The following B3GALT1 variants were observed in gnomAD, a reference collection of about 807,000 sequenced individuals.
B3GALT1 encodes UDP-Gal:betaGlcNAc beta 1,3-galactosyltransferase, polypeptide 1.
Under a neutral mutation model 23.2 loss-of-function variants are expected in B3GALT1, and 10 were observed. That is an observed-to-expected ratio of 0.43 (90% CI 0.27 to 0.73). B3GALT1 has a LOEUF of 0.73. Among genes scored for constraint, B3GALT1 ranks in the 30% least tolerant of loss-of-function variants. The probability of loss-of-function intolerance (pLI) is 0.21; values close to 1 mark genes in which losing one functional copy is unlikely to be tolerated. For missense variants in B3GALT1, 299 were observed against 405.4 expected (o/e 0.74, Z 2.25); for synonymous variants, 156 against 141.5 (o/e 1.10, Z -0.73).
intron 1 of B3GALT1, among the ~76,000 whole-genome samples, chr2:167,424,863 G>A (rs983826609): frequency 6.6e-6 from 1 of 152,180 alleles, no homozygotes; most frequent in South Asian, 2.1e-4. Context: ...AAAGTATCCC[G>A]TTTAGATTCT....
intron 1 of B3GALT1, among the ~76,000 whole-genome samples, chr2:167,469,119 C>G (rs1211130707): frequency 6.6e-6 from 1 of 152,162 alleles, no homozygotes; most frequent in Non-Finnish European, 1.5e-5. Flanking sequence ...AGAATTGTAG[C>G]AATCAAATAT....
At chr2:167,506,831 G>A (rs1025703835) in intron 2 of B3GALT1, among the ~76,000 whole-genome samples, 1 of 152,158 alleles carries the variant, frequency 6.6e-6, no homozygotes, top group Non-Finnish European at 1.5e-5. Context: ...TAGAACAAGT[G>A]TATGGGTGAA....
chr2:167,835,300 G>T (rs571184727), intron 4 of B3GALT1, among the ~76,000 whole-genome samples: 4 of 152,316 alleles, frequency 2.6e-5, no homozygotes, highest in African/African-American at 9.6e-5. Context: ...GTGACAGATG[G>T]CACCTGGAAA....
intron 1 of B3GALT1, among the ~76,000 whole-genome samples, chr2:167,487,220 C>T (rs985162418): frequency 3.9e-5 from 6 of 152,148 alleles, no homozygotes; most frequent in Middle Eastern, 3.2e-3. Flanking sequence ...TTCAGAAGGC[C>T]ACTTTTTGTC....
chr2:167,680,406 T>TGAGA lies in B3GALT1; in HGVS notation c.-352+33457_-352+33460dup, dbSNP rs60938313. On this transcript the variant is annotated intron_variant, in intron 3 of 4. Transcript: ENST00000392690. ...AAAGATTTCAAATAGAGAAACAGATTGAGAGAGAGAGAGAGAGAGAACTTT... is the reference window on the plus strand; with the variant it reads ...AAAGATTTCAAATAGAGAAACAGATTGAGAGAGAGAGAGAGAGAGAGAGAACTTT... Among the ~76,000 whole-genome samples the TGAGA allele has an allele frequency of 7.4e-5, 11 of 149,486 alleles. No individual in the cohort carries two copies. The South Asian group carries it at 8.5e-4, about 12-fold the overall frequency.
At chr2:167,555,657 A>G (rs1441974523) in intron 2 of B3GALT1, among the ~76,000 whole-genome samples, 1 of 152,172 alleles carries the variant, frequency 6.6e-6, no homozygotes, top group East Asian at 1.9e-4. Flanking sequence ...CAAGAGTGAT[A>G]TTGCCAAATC....
At chr2:167,770,834 C>G (rs906408356) in intron 3 of B3GALT1, among the ~76,000 whole-genome samples, 7 of 152,112 alleles carry the variant, frequency 4.6e-5, no homozygotes, top group African/African-American at 1.7e-4. Context: ...TTTAAGATGT[C>G]AGGGAAATTT....
rs1685615765 is a variant in B3GALT1, at chr2:167,639,451, T to G, written c.-409-7458T>G. Among the ~76,000 whole-genome samples the G allele has an allele frequency of 2.6e-5, 4 of 152,034 alleles. No individual in the cohort carries two copies. The South Asian group carries it at 8.3e-4, about 32-fold the overall frequency. ...ATATCCAGTAACCTGCAAAGATTCTTCAGTCCAAGCAGAAACACATTAAGG... is the reference window on the plus strand; with the variant it reads ...ATATCCAGTAACCTGCAAAGATTCTGCAGTCCAAGCAGAAACACATTAAGG... On this transcript the variant is annotated intron_variant, in intron 2 of 4. Coordinates refer to ENST00000392690, the MANE Select transcript of B3GALT1 (RefSeq NM_020981.4).
intron 3 of B3GALT1, among the ~76,000 whole-genome samples, chr2:167,788,815 A>G (rs1341169340): frequency 1.3e-5 from 2 of 152,190 alleles, no homozygotes; most frequent in Non-Finnish European, 2.9e-5. Context: ...GGATGAACCT[A>G]AGATAATGAC....
intron 3 of B3GALT1, among the ~76,000 whole-genome samples, chr2:167,723,033 G>A (rs1224063134): frequency 1.3e-5 from 2 of 152,162 alleles, no homozygotes. Flanking sequence ...TGTGAAGATA[G>A]TCTCAAAGTT....
intron 4 of B3GALT1, among the ~76,000 whole-genome samples, chr2:167,868,004 TA>T (rs202014355): frequency 1.3e-5 from 2 of 151,494 alleles, no homozygotes; most frequent in South Asian, 2.1e-4. Flanking sequence ...TGTAACTAGG[TA>T]AAAAAAAATT....
rs1023047581 is a variant in B3GALT1 at position 167,873,905 on chromosome 2, T to C, written c.*3885T>C. ...AGACACTGAAGATATCATTACACTT[T>C]CTTCACCTTCCTCTTGAAATGTAAA... is the stretch of plus-strand genomic sequence containing the variant. On this transcript the variant is annotated 3_prime_UTR_variant, in exon 5 of 5. Transcript: ENST00000392690. 5.9e-5 allele frequency: 9 copies of C among 152,240 alleles called. No individual in the cohort carries two copies. The highest frequency in any genetic ancestry group is 5.9e-4 in the Admixed American group (9 of 15,290). 9.4% of individuals were successfully genotyped at this position (152,240 alleles called of 1,614,324 possible).
rs75745917 is a variant in B3GALT1 at position 167,533,520 on chromosome 2, A to G, written c.-410+43243A>G. Among the ~76,000 whole-genome samples the G allele has an allele frequency of 2.0e-3, 307 of 152,194 alleles. 10 individuals carry two copies. In the East Asian group the frequency reaches 0.056, roughly 28 times the overall value. On this transcript the variant is annotated intron_variant, in intron 2 of 4. Coordinates refer to ENST00000392690, the MANE Select transcript of B3GALT1 (RefSeq NM_020981.4). ...GTGGCAAACCCAATTGTCATGATCT[A>G]TTATCCTTTTTTATCTTGCTGTATT...
chr2:167,683,159 T>C (rs1463152), intron 3 of B3GALT1, among the ~76,000 whole-genome samples: 38,006 of 152,092 alleles, frequency 0.25, 5,679 homozygotes, highest in Admixed American at 0.35. Context: ...CTTTAAGCAG[T>C]TGGAGCAAGA....
Position 167,496,998 on chromosome 2 carries a change from T to C in B3GALT1, c.-410+6721T>C, listed in dbSNP as rs144720217. Among the ~76,000 whole-genome samples the C allele has an allele frequency of 8.3e-3, 1,270 of 152,286 alleles. 22 individuals are homozygous for C. Among genetic ancestry groups the C allele is most frequent in the African/African-American group, 0.029 (1,219 of 41,552 alleles). On this transcript the variant is annotated intron_variant, in intron 2 of 4. Coordinates refer to ENST00000392690, the MANE Select transcript of B3GALT1 (RefSeq NM_020981.4). ...GCAGCACACCAACATGGCACATGTA[T>C]ACATATGTAACAAACCTGCACGTTG...
At chr2:167,564,294 C>G (rs1684102583) in intron 2 of B3GALT1, among the ~76,000 whole-genome samples, 1 of 151,652 alleles carries the variant, frequency 6.6e-6, no homozygotes, top group South Asian at 2.1e-4. Flanking sequence ...TCCCCCCCTC[C>G]CAGATGTGAT....
chr2:167,381,339 G>A (rs1172579548), intron 1 of B3GALT1, among the ~76,000 whole-genome samples: 7 of 152,158 alleles, frequency 4.6e-5, no homozygotes, highest in African/African-American at 1.7e-4. Flanking sequence ...GAGATTATAG[G>A]CGTGAGCTAC....
intron 1 of B3GALT1, among the ~76,000 whole-genome samples, chr2:167,355,868 T>G (rs1697392717): frequency 6.6e-6 from 1 of 152,338 alleles, no homozygotes; most frequent in South Asian, 2.1e-4. Context: ...CAGCTTTTCT[T>G]TCTTCAAAAA....
chr2:167,412,619 T>C (rs1698409322), intron 1 of B3GALT1, among the ~76,000 whole-genome samples: 1 of 152,148 alleles, frequency 6.6e-6, no homozygotes, highest in Admixed American at 6.5e-5. Flanking sequence ...ACTGAAACTT[T>C]CATTCATTGA....
Sources: allele counts gnomAD v4.1 joint callset (sites outside exome capture counted in the v4.1 genomes callset), GRCh38; gene constraint gnomAD v4.1.1; transcripts MANE v1.5; gene names NCBI Gene and HGNC (gene_info 2026-07-23, HGNC 2026-07-21).